ASIC2: variants seen among roughly 807,000 people sequenced by gnomAD.
ASIC2 encodes the protein acid sensing ion channel subunit 2.
ASIC2 carries 25 observed loss-of-function variants against 57.3 expected under a neutral mutation model. The observed-to-expected ratio is 0.44, with a 90% confidence interval of 0.32 to 0.61. The LOEUF is 0.61. Ranked by LOEUF, ASIC2 falls within the 20% of genes least tolerant of loss-of-function variation. ASIC2 has a pLI of 0.06. For missense variants in ASIC2, 641 were observed against 738.1 expected, an observed-to-expected ratio of 0.87 and a Z score of 1.52; for synonymous variants, 319 against 307.5, an observed-to-expected ratio of 1.04 and a Z score of -0.39.
At chr17:33,691,483 A>T (rs1019767279) in intron 1 of ASIC2, among the ~76,000 whole-genome samples, 6 of 152,166 alleles carry the variant, frequency 3.9e-5, no homozygotes, top group African/African-American at 1.4e-4. Context: ...GAGATCAATC[A>T]TGTTTGCACA....
chr17:33,938,006 C>G (rs2064530871), intron 1 of ASIC2, among the ~76,000 whole-genome samples: 1 of 152,212 alleles, frequency 6.6e-6, no homozygotes, highest in African/African-American at 2.4e-5. Context: ...AAGCCTAAAT[C>G]TCCTGGGAAG....
chr17:34,084,966 CA>C (rs1910048764), intron 1 of ASIC2, among the ~76,000 whole-genome samples: 1 of 152,176 alleles, frequency 6.6e-6, no homozygotes, highest in Non-Finnish European at 1.5e-5. Context: ...TCTAGATATA[CA>C]ATCATGTTGT....
At chr17:33,260,395 A>G (rs1909235482) in intron 1 of ASIC2, among the ~76,000 whole-genome samples, 1 of 152,204 alleles carries the variant, frequency 6.6e-6, no homozygotes, top group African/African-American at 2.4e-5. Flanking sequence ...TGCAGGGGCC[A>G]GTTGGAGCAC....
At position 33,437,026 on chromosome 17, in the gene ASIC2, C is replaced by T. The variant is rs572216020; in HGVS notation, c.556-324959G>A. On this transcript the variant is annotated intron_variant, in intron 1 of 9. Transcript: ENST00000359872. ...GACTACAGGCGCCCGCTACCACGCC[C>T]GGCTAATTTTTTGTATTTTTAGTAG... Among the ~76,000 whole-genome samples the T allele has an allele frequency of 7.6e-4, 115 of 150,634 alleles. 6 individuals carry two copies. The South Asian group carries it at 0.019, about 24-fold the overall frequency.
At chr17:33,392,886 A>G (rs1295075085) in intron 1 of ASIC2, among the ~76,000 whole-genome samples, 1 of 152,198 alleles carries the variant, frequency 6.6e-6, no homozygotes, top group Non-Finnish European at 1.5e-5. Flanking sequence ...GGCAGCAGAC[A>G]CATGGTAACC....
At chr17:33,051,645 G>T (rs2091976868) in intron 3 of ASIC2, among the ~76,000 whole-genome samples, 2 of 152,274 alleles carry the variant, frequency 1.3e-5, no homozygotes, top group South Asian at 4.2e-4. Context: ...GGGCAAGTTA[G>T]TGAACTTCTT....
rs541202027 is a variant in ASIC2 at position 33,285,474 on chromosome 17, C to G, written c.708+5934G>C. Among the ~76,000 whole-genome samples, 92 of 152,366 alleles carry G rather than the reference C, an allele frequency of 6.0e-4. No homozygotes were observed. In the Middle Eastern group the frequency reaches 0.01, roughly 17 times the overall value. ...ACGCCATCTGCACTATTTGAGCTCT[C>G]CATTCCCCTGACTGCCCACTTGAAT... On this transcript the variant is annotated intron_variant, in intron 1 of 9. Transcript: ENST00000225823.
intron 1 of ASIC2, chr17:33,794,176 C>T (rs1458826856): frequency 1.3e-5 from 2 of 152,184 alleles, no homozygotes; most frequent in Non-Finnish European, 2.9e-5. Flanking sequence ...TCCTGAGTGA[C>T]TTTATAGTCT....
intron 1 of ASIC2, among the ~76,000 whole-genome samples, chr17:33,310,259 A>G (rs372607768): frequency 6.6e-6 from 1 of 151,920 alleles, no homozygotes; most frequent in African/African-American, 2.4e-5. Context: ...TGGCCTGGGT[A>G]TCAGGATCTC....
intron 1 of ASIC2, among the ~76,000 whole-genome samples, chr17:33,444,252 G>A (rs546257145): frequency 2.6e-5 from 4 of 152,314 alleles, no homozygotes; most frequent in Admixed American, 2.6e-4. Flanking sequence ...AAACTGCTGG[G>A]TGTGTGACCT....
intron 1 of ASIC2, among the ~76,000 whole-genome samples, chr17:34,133,799 A>G (rs1441669682): frequency 6.6e-6 from 1 of 152,228 alleles, no homozygotes; most frequent in East Asian, 1.9e-4. Flanking sequence ...CAGGTAAACC[A>G]GTGGTTCTCA....
chr17:33,896,162 TG>T (rs1178152005), intron 1 of ASIC2, among the ~76,000 whole-genome samples: 1 of 152,248 alleles, frequency 6.6e-6, no homozygotes, highest in Non-Finnish European at 1.5e-5. Context: ...CTTTTCTTTT[TG>T]CCTCAGAGCC....
intron 1 of ASIC2, among the ~76,000 whole-genome samples, chr17:33,113,469 C>T (rs2092267924): frequency 6.6e-6 from 1 of 152,228 alleles, no homozygotes; most frequent in Non-Finnish European, 1.5e-5. Context: ...TATTGGATTC[C>T]TGCAGCCACA....
intron 1 of ASIC2, among the ~76,000 whole-genome samples, chr17:33,720,832 G>A (rs1380746304): frequency 6.6e-6 from 1 of 152,138 alleles, no homozygotes; most frequent in Non-Finnish European, 1.5e-5. Context: ...TGCTTGGATC[G>A]TTGTCTGTAA....
At chr17:33,603,472 T>A (rs924142217) in intron 1 of ASIC2, among the ~76,000 whole-genome samples, 1 of 152,200 alleles carries the variant, frequency 6.6e-6, no homozygotes, top group Non-Finnish European at 1.5e-5. Flanking sequence ...TGATAGGCTC[T>A]CTTCCTCTGC....
intron 3 of ASIC2, among the ~76,000 whole-genome samples, chr17:33,084,156 G>C (rs946588107): frequency 3.9e-5 from 6 of 152,176 alleles, no homozygotes; most frequent in Non-Finnish European, 8.8e-5. Flanking sequence ...AGTGAGCAGG[G>C]GCAGGGACTC....
At chr17:33,957,130 C>G (rs956811774) in intron 1 of ASIC2, among the ~76,000 whole-genome samples, 2 of 152,226 alleles carry the variant, frequency 1.3e-5, no homozygotes, top group Non-Finnish European at 2.9e-5. Context: ...AATTCTCACA[C>G]AACTTCTACC....
At chr17:33,291,187 G>C (rs1905421175) in intron 1 of ASIC2, 1 of 939,766 alleles carries the variant, frequency 1.1e-6, no homozygotes. Flanking sequence ...GGACAGGGGA[G>C]CTCCCACTGG....
intron 1 of ASIC2, among the ~76,000 whole-genome samples, chr17:33,517,906 G>A (rs1448363250): frequency 1.3e-5 from 2 of 152,136 alleles, no homozygotes; most frequent in African/African-American, 4.8e-5. Flanking sequence ...CCTAGACCAA[G>A]CCTGTTGCAA....
Sources: gnomAD v4.1 joint callset for allele counts (sites outside exome capture counted in the v4.1 genomes callset) on GRCh38, gnomAD v4.1.1 for gene constraint, MANE v1.5 for transcripts, NCBI Gene and HGNC (gene_info 2026-07-23, HGNC 2026-07-21) for gene names.